ACBD6: variants seen among roughly 807,000 people sequenced by gnomAD.
ACBD6 encodes the protein acyl-CoA binding domain containing 6.
A neutral mutation model predicts 37.2 loss-of-function variants in ACBD6; 28 were observed. The ratio of observed to expected loss-of-function variants is 0.75; its 90% CI spans 0.56 to 1.03. The LOEUF is 1.03. Ranked by LOEUF, ACBD6 falls within the 50% of genes least tolerant of loss-of-function variation. ACBD6 has a pLI of 0.00. For synonymous variants in ACBD6, 113 were observed against 126.8 expected (o/e 0.89, Z 0.73); for missense variants, 340 against 337.4 (o/e 1.01, Z -0.06).
intron 11 of ACBD6, chr1:180,273,899 G>T: frequency 2.1e-6 from 1 of 475,492 alleles, no homozygotes; most frequent in South Asian, 2.1e-5. Flanking sequence ...TGTAGCCAGA[G>T]TATTAGTACA....
chr1:180,492,562 G>A (rs542350736), intron 2 of ACBD6, among the ~76,000 whole-genome samples, 197 bp from the exon 3 acceptor site: 2 of 152,238 alleles, frequency 1.3e-5, no homozygotes, highest in East Asian at 3.9e-4. Flanking sequence ...TACCTAAGCA[G>A]TCTTTTCAGA....
At chr1:180,374,214 A>G (rs1249899889) in intron 6 of ACBD6, among the ~76,000 whole-genome samples, 3 of 152,210 alleles carry the variant, frequency 2.0e-5, no homozygotes, top group African/African-American at 4.8e-5. Flanking sequence ...AAACCATTAC[A>G]TATTTTTTAA....
intron 6 of ACBD6, among the ~76,000 whole-genome samples, chr1:180,367,758 A>C (rs984249281): frequency 6.6e-6 from 1 of 152,106 alleles, no homozygotes; most frequent in African/African-American, 2.4e-5. Flanking sequence ...TCTGTGATGT[A>C]TATGTACCAC....
intron 7 of ACBD6, among the ~76,000 whole-genome samples, chr1:180,306,040 T>A (rs547578700): frequency 7.2e-6 from 1 of 139,368 alleles, no homozygotes; most frequent in Non-Finnish European, 1.5e-5. Flanking sequence ...TAGGTGGGAA[T>A]TGAACAATGA....
chr1:180,493,606 G>T (rs1233782016), intron 2 of ACBD6, among the ~76,000 whole-genome samples: 2 of 152,134 alleles, frequency 1.3e-5, no homozygotes, highest in South Asian at 2.1e-4. Flanking sequence ...TTACTTATAC[G>T]CATCATAACA....
intron 3 of ACBD6, among the ~76,000 whole-genome samples, chr1:180,466,629 T>C (rs111923353): frequency 0.036 from 5,505 of 152,288 alleles, 310 homozygotes; most frequent in African/African-American, 0.12. Flanking sequence ...ATTAAAACAA[T>C]TGGGATAAAC....
At chr1:180,297,687 T>A (rs2149281865) in intron 7 of ACBD6, among the ~76,000 whole-genome samples, 1 of 152,248 alleles carries the variant, frequency 6.6e-6, no homozygotes, top group East Asian at 1.9e-4. Flanking sequence ...AGAGAGTGTT[T>A]AGGATTATAG....
At chr1:180,287,146 C>T (rs1433580332), downstream of ACBD6, 2 of 152,058 alleles carry the variant, frequency 1.3e-5, no homozygotes, top group African/African-American at 2.4e-5. Context: ...GTGGCTCACA[C>T]CTGTAATCTC....
intron 6 of ACBD6, among the ~76,000 whole-genome samples, chr1:180,331,496 G>A (rs1220772451): frequency 6.6e-6 from 1 of 152,126 alleles, no homozygotes; most frequent in Non-Finnish European, 1.5e-5. Flanking sequence ...ATAGGACTTT[G>A]CCAACTCTGT....
intron 5 of ACBD6, among the ~76,000 whole-genome samples, chr1:180,399,620 G>A (rs775705656): frequency 4.6e-5 from 7 of 152,180 alleles, no homozygotes; most frequent in Non-Finnish European, 8.8e-5. Flanking sequence ...AAAATGTATT[G>A]TTGAGTTCTA....
At chr1:180,470,829 A>G (rs1319161133) in intron 3 of ACBD6, among the ~76,000 whole-genome samples, 1 of 152,248 alleles carries the variant, frequency 6.6e-6, no homozygotes, top group African/African-American at 2.4e-5. Context: ...TTTTTTAAAT[A>G]AAGTTAAATT....
At chr1:180,410,965 A>G (rs1253838474) in intron 5 of ACBD6, among the ~76,000 whole-genome samples, 1 of 152,214 alleles carries the variant, frequency 6.6e-6, no homozygotes, top group African/African-American at 2.4e-5. Flanking sequence ...GTGTGATGGG[A>G]GGAGGTCAAA....
intron 9 of ACBD6, among the ~76,000 whole-genome samples, chr1:180,279,228 C>T (rs1327350642): frequency 6.6e-6 from 1 of 152,136 alleles, no homozygotes; most frequent in Admixed American, 6.6e-5. Context: ...ATCCTCTGCC[C>T]CCAGACTTAG....
intron 6 of ACBD6, among the ~76,000 whole-genome samples, chr1:180,371,513 C>T (rs80069446): frequency 0.02 from 2,988 of 152,208 alleles, 100 homozygotes; most frequent in African/African-American, 0.067. Context: ...CTCTCCTAAC[C>T]TACCCTCTGA....
chr1:180,461,247 T>TAA (rs1487090669), intron 3 of ACBD6, among the ~76,000 whole-genome samples: 1 of 151,782 alleles, frequency 6.6e-6, no homozygotes, highest in Non-Finnish European at 1.5e-5. Context: ...AAATATGGGA[T>TAA]TATATAAAAA....
intron 7 of ACBD6, 144 bp downstream of exon 7, chr1:180,314,548 T>TA: frequency 1.5e-6 from 1 of 667,016 alleles, no homozygotes; most frequent in East Asian, 2.9e-5. Context: ...CCCGGCCTAA[T>TA]ACATTTTTTT....
At chr1:180,476,600 C>T (rs559528978) in intron 3 of ACBD6, among the ~76,000 whole-genome samples, 3 of 152,218 alleles carry the variant, frequency 2.0e-5, no homozygotes, top group East Asian at 1.9e-4. Flanking sequence ...CCAAGGCAGG[C>T]GGATCACCTG....
chr1:180,375,840 TATAAAA>T (rs1653411433), intron 6 of ACBD6, among the ~76,000 whole-genome samples: 1 of 151,146 alleles, frequency 6.6e-6, no homozygotes, highest in African/African-American at 2.5e-5. Context: ...AATTTGATTA[TATAAAA>T]ATAAAAAGTT....
intron 7 of ACBD6, among the ~76,000 whole-genome samples, chr1:180,302,452 T>G (rs1215537919): frequency 6.6e-6 from 1 of 152,178 alleles, no homozygotes; most frequent in Non-Finnish European, 1.5e-5. Flanking sequence ...GTTGAATTGA[T>G]CCCTTTACCA....
Sources: allele counts gnomAD v4.1 joint callset (sites outside exome capture counted in the v4.1 genomes callset), GRCh38; gene constraint gnomAD v4.1.1; transcripts MANE v1.5; gene names NCBI Gene and HGNC (gene_info 2026-07-23, HGNC 2026-07-21).